CCDC187: variants seen among roughly 807,000 people sequenced by gnomAD.
CCDC187 encodes the protein coiled-coil domain-containing protein 187.
In CCDC187, 32 loss-of-function variants were observed where a neutral mutation model predicts 38.0. The observed-to-expected ratio is 0.84, with a 90% CI of 0.64 to 1.13. The LOEUF is 1.13. CCDC187 is among the 50% of genes most tolerant of loss of function. CCDC187 has a pLI of 0.00. For missense variants in CCDC187, 707 were observed against 786.8 expected (o/e 0.90, Z 1.21); for synonymous variants, 333 against 347.9 (o/e 0.96, Z 0.48).
intron 4 of CCDC187, among the ~76,000 whole-genome samples, chr9:136,293,415 G>A (rs1228840755): frequency 5.6e-5 from 3 of 53,380 alleles, no homozygotes; most frequent in African/African-American, 2.3e-4. Flanking sequence ...ACACTCACAT[G>A]CTCACATACT....
At position 136,250,226 on chromosome 9, in the gene CCDC187, C is replaced by G; in HGVS notation, c.*3368G>C. ...TCCGGCCCCCTCCAGGGCCGCTGTC[C>G]TTGGAAGCCCTGGCCCGGGTTTTCC... On this transcript the variant is annotated 3_prime_UTR_variant, in exon 26 of 26. Transcript: ENST00000638797. 1 of 166,304 alleles carries G rather than the reference C, an allele frequency of 6.0e-6. No individual in the cohort carries two copies. Among genetic ancestry groups the G allele is most frequent in the Non-Finnish European group, 1.3e-5 (1 of 75,540 alleles). 10.3% of individuals were successfully genotyped at this position (166,304 alleles called of 1,614,324 possible).
At chr9:136,293,124 A>G (rs965628728) in intron 4 of CCDC187, among the ~76,000 whole-genome samples, 4,209 of 132,786 alleles carry the variant, frequency 0.032, 100 homozygotes, top group Non-Finnish European at 0.042. Flanking sequence ...CACACTCACA[A>G]ACACTCACAT....
At chr9:136,294,098 A>G (rs1272470188) in intron 4 of CCDC187, among the ~76,000 whole-genome samples, 18 of 140,610 alleles carry the variant, frequency 1.3e-4, no homozygotes, top group African/African-American at 4.3e-4. Flanking sequence ...ACACGCCCTC[A>G]AGTGCTCACA....
At chr9:136,304,308 G>A (rs890171867), upstream of CCDC187, among the ~76,000 whole-genome samples, 1 of 152,204 alleles carries the variant, frequency 6.6e-6, no homozygotes, top group Non-Finnish European at 1.5e-5. Flanking sequence ...TCTGGTTGGT[G>A]GGGGCGGGGC....
chr9:136,281,872 G>A (rs1001026764), intron 9 of CCDC187, among the ~76,000 whole-genome samples: 1 of 152,134 alleles, frequency 6.6e-6, no homozygotes, highest in Non-Finnish European at 1.5e-5. Context: ...CCAGGAGGCA[G>A]GGGTGAGCGG....
In CCDC187 at chr9:136,250,583, G is replaced by A. The variant is rs1806757078; in HGVS notation, c.*3011C>T. The stretch of plus-strand genomic sequence containing the variant: ...AAATCACAGACTAATTTGTTCAGAA[G>A]ACTAGAAGGGGATCAATGAGAAAGC... On this transcript the variant is annotated 3_prime_UTR_variant, in exon 26 of 26. Transcript: ENST00000638797. The A allele has an allele frequency of 8.4e-6, 3 of 359,064 alleles. No individual in the cohort carries two copies. In the Admixed American group the frequency reaches 1.1e-4, roughly 13 times the overall value. The allele number at this position is 359,064 out of a possible 1,614,324, so 22.2% of individuals were successfully genotyped here.
rs562254515 is a variant in CCDC187, at chr9:136,254,440, G to A, written c.5388C>T (p.Gly1796=). 3.2e-4 allele frequency: 316 copies of A among 985,334 alleles called. No individual in the cohort carries two copies. The African/African-American group carries it at 4.8e-3, about 15-fold the overall frequency. 61.0% of individuals were successfully genotyped at this position (985,334 alleles called of 1,614,324 possible). A position where few individuals can be genotyped will look rare whatever the true frequency, so the allele number is the denominator to read the frequency against. Residue 1796 remains glycine, a synonymous_variant, in exon 26 of 26, where the codon GGC becomes GGT. Coordinates refer to ENST00000638797, the MANE Select transcript of CCDC187 (RefSeq NM_001378188.1). ...AGGGAGGAGCCACCTGGGGCTCCACGCCGCTTCCAAGGCCCAGTGAGCCAC... is the reference window on the plus strand; with the variant it reads ...AGGGAGGAGCCACCTGGGGCTCCACACCGCTTCCAAGGCCCAGTGAGCCAC... ...PAGGSLGLGS[G]VEPQVAPPSP... is the part of the protein sequence containing the mutation.
chr9:136,269,774 T>C (rs1392681016), intron 14 of CCDC187, among the ~76,000 whole-genome samples: 1 of 152,216 alleles, frequency 6.6e-6, no homozygotes, highest in Middle Eastern at 3.2e-3. Context: ...ATGAGCAGGA[T>C]AATTTATTAA....
rs1194854058 is a variant in CCDC187 at position 136,253,695 on chromosome 9, C to G, written c.6133G>C (p.Glu2045Gln). 2.0e-6 allele frequency: 2 copies of G among 985,442 alleles called. No homozygotes were observed. The highest frequency in any genetic ancestry group is 6.1e-5 in the Admixed American group (1 of 16,272). The allele number at this position is 985,442 out of a possible 1,614,324, so 61.0% of individuals were successfully genotyped here. ...FPSPPSGPLE[E>Q]DTAITTQDLS... The stretch of plus-strand genomic sequence containing the variant: ...TCCTGGGTGGTGATGGCGGTGTCCT[C>G]CTCAAGGGGCCCCGAGGGCGGGGAA... The change falls in exon 26 of 26, where the codon GAG becomes CAG. Residue 2045 changes from glutamate (E) to glutamine (Q), a missense_variant. By Grantham distance (29) the Glu-to-Gln change is conservative. Transcript: ENST00000638797.
At chr9:136,260,742 T>G (rs1299303687) in intron 19 of CCDC187, among the ~76,000 whole-genome samples, 2 of 152,176 alleles carry the variant, frequency 1.3e-5, no homozygotes, top group African/African-American at 4.8e-5. Flanking sequence ...AGGGTGCCCC[T>G]GAGCATTTCC....
At chr9:136,290,205 G>A (rs1463476001) in intron 6 of CCDC187, among the ~76,000 whole-genome samples, 152 bp from the exon 7 acceptor site, 2 of 152,118 alleles carry the variant, frequency 1.3e-5, no homozygotes, top group Non-Finnish European at 2.9e-5. Flanking sequence ...TTCAGGGGCT[G>A]TGAGAGGCAA....
At chr9:136,274,409 G>C (rs142492247) in intron 14 of CCDC187, among the ~76,000 whole-genome samples, 2 of 152,256 alleles carry the variant, frequency 1.3e-5, no homozygotes, top group Non-Finnish European at 2.9e-5. Flanking sequence ...TCTGCCAGCT[G>C]TCTAACCCAG....
chr9:136,297,731 T>C lies in CCDC187; in HGVS notation c.815A>G (p.Asp272Gly), dbSNP rs1831570574. Residue 272 changes from aspartate (D) to glycine (G), a missense_variant, in exon 4 of 26, where the codon GAC (aspartate) becomes GGC (glycine). Coordinates refer to ENST00000638797, the MANE Select transcript of CCDC187 (RefSeq NM_001378188.1). The stretch of plus-strand genomic sequence containing the variant: ...AACCTTACCTTCGTCTTTGTGTTTG[T>C]CTTTGGCCGCTCTTCTAGGGGAGGG... ...KLPSPRRAAKDKHKDEDSELV... is the reference protein window; with the variant it reads ...KLPSPRRAAKGKHKDEDSELV... 1 of 398,772 alleles carries C rather than the reference T, an allele frequency of 2.5e-6. No homozygotes were observed. The highest frequency in any genetic ancestry group is 4.4e-6 in the Non-Finnish European group (1 of 226,120). The allele number at this position is 398,772 out of a possible 1,614,324, so 24.7% of individuals were successfully genotyped here.
chr9:136,297,654 C>T (rs1287804500), intron 4 of CCDC187, 60 bp downstream of exon 4: 1 of 399,368 alleles, frequency 2.5e-6, no homozygotes, highest in Non-Finnish European at 4.4e-6. Context: ...CATCTGCCTA[C>T]CTAGAGTGCC....
intron 21 of CCDC187, 73 bp from the exon 22 acceptor site, chr9:136,259,074 G>T: frequency 1.0e-6 from 1 of 973,060 alleles, no homozygotes; most frequent in Non-Finnish European, 1.2e-6. Context: ...GGATAGACCA[G>T]GATGGATGGG....
At chr9:136,282,322 A>C (rs1226929890) in intron 9 of CCDC187, among the ~76,000 whole-genome samples, 1 of 152,098 alleles carries the variant, frequency 6.6e-6, no homozygotes, top group African/African-American at 2.4e-5. Flanking sequence ...CAAGGCTGAC[A>C]GAGCCAGGAG....
chr9:136,265,852 C>T, intron 17 of CCDC187, 104 bp downstream of exon 17: 1 of 556,750 alleles, frequency 1.8e-6, no homozygotes, highest in South Asian at 7.9e-5. Context: ...CTTGGGAATT[C>T]TTTAGCTCTG....
chr9:136,281,376 G>A, intron 10 of CCDC187, 175 bp downstream of exon 10: 1 of 398,534 alleles, frequency 2.5e-6, no homozygotes, highest in Non-Finnish European at 4.4e-6. Flanking sequence ...GCACGCAGAG[G>A]GTCCCGAAAG....
intron 20 of CCDC187, among the ~76,000 whole-genome samples, chr9:136,259,808 G>A (rs1399264329): frequency 6.6e-6 from 1 of 152,150 alleles, no homozygotes; most frequent in Non-Finnish European, 1.5e-5. Context: ...GGGGCTCTGA[G>A]TAGCCGCCCC....
Sources: gnomAD v4.1 joint callset for allele counts (sites outside exome capture counted in the v4.1 genomes callset) on GRCh38, gnomAD v4.1.1 for gene constraint, MANE v1.5 for transcripts, NCBI Gene and HGNC (gene_info 2026-07-23, HGNC 2026-07-21) for gene names.